The following PCDHGB6 variants were observed in gnomAD, a reference collection of about 807,000 sequenced individuals.
PCDHGB6 encodes the protein protocadherin gamma subfamily B, 6.
PCDHGB6 carries 51 observed loss-of-function variants against 59.1 expected under a neutral mutation model. The observed-to-expected ratio is 0.86, with a 90% confidence interval of 0.69 to 1.09. The LOEUF is 1.09. Ranked by LOEUF, PCDHGB6 falls within the 50% of genes least tolerant of loss-of-function variation. PCDHGB6 has a pLI of 0.00. For synonymous variants in PCDHGB6, 466 were observed against 495.1 expected (o/e 0.94, Z 0.78); for missense variants, 1,148 against 1,205.1 (o/e 0.95, Z 0.70).
At chr5:141,484,912 T>G (rs1594427765) in intron 1 of PCDHGB6, 1 of 437,066 alleles carries the variant, frequency 2.3e-6, no homozygotes, top group East Asian at 4.0e-5. Flanking sequence ...TGCGACGCAT[T>G]AACCCTGCTG....
intron 1 of PCDHGB6, chr5:141,418,214 G>A: frequency 6.2e-7 from 1 of 1,614,064 alleles, no homozygotes; most frequent in Non-Finnish European, 8.5e-7. Flanking sequence ...TATTTTTCAT[G>A]TCATTGTGGT....
chr5:141,415,264 C>T, intron 1 of PCDHGB6: 3 of 1,614,210 alleles, frequency 1.9e-6, no homozygotes, highest in South Asian at 1.1e-5. Flanking sequence ...CACTCTGTAC[C>T]TGGTGGTAGC....
chr5:141,497,237 T>C (rs933112169), intron 2 of PCDHGB6, among the ~76,000 whole-genome samples: 3 of 152,038 alleles, frequency 2.0e-5, no homozygotes, highest in Non-Finnish European at 4.4e-5. Context: ...AGAAGGCTTC[T>C]AGGAGGAGGT....
intron 2 of PCDHGB6, among the ~76,000 whole-genome samples, chr5:141,503,132 CCT>C (rs1388312522): frequency 6.6e-6 from 1 of 151,994 alleles, no homozygotes; most frequent in Non-Finnish European, 1.5e-5. Flanking sequence ...TCTGGTAGCC[CCT>C]GACACAGCCC....
chr5:141,410,847 GTC>G (rs2095431261), intron 1 of PCDHGB6: 6 of 158,244 alleles, frequency 3.8e-5, no homozygotes, highest in Admixed American at 8.9e-5. Context: ...TTTTGTCTTT[GTC>G]TTTTTTTTTT....
Position 141,485,996 on chromosome 5 carries a change from G to A in PCDHGB6, c.2419-8811G>A, listed in dbSNP as rs114142606. On this transcript the variant is annotated intron_variant, in intron 1 of 3. Coordinates refer to ENST00000520790, the MANE Select transcript of PCDHGB6 (RefSeq NM_018926.3). The surrounding 1 kb of genome is among the most constrained non-coding windows in gnomAD (Gnocchi z 5.7). ...CTCAGACCCGGACCTGGGTCCCAGT[G>A]GTAACGTCACCTTTTATTTCAGTGG... The A allele has an allele frequency of 1.6e-4, 256 of 1,614,178 alleles. 1 individual carries two copies. Among genetic ancestry groups the A allele is most frequent in the Middle Eastern group, 1.5e-3 (9 of 6,062 alleles).
intron 1 of PCDHGB6, chr5:141,415,762 T>TGTTTG: frequency 7.1e-7 from 1 of 1,399,990 alleles, no homozygotes; most frequent in Non-Finnish European, 9.3e-7. Flanking sequence ...TTTTTTTTTT[T>TGTTTG]TTTTTTTTTT....
In PCDHGB6 at chr5:141,420,274, GGTAA is replaced by G. The variant is rs1362175190; in HGVS notation, c.2418+9658_2418+9661del. 5.9e-6 allele frequency: 9 copies of G among 1,525,426 alleles called. 1 individual carries two copies. The highest frequency in any genetic ancestry group is 2.1e-5 in the Admixed American group (1 of 48,284). 94.5% of individuals were successfully genotyped at this position (1,525,426 alleles called of 1,614,324 possible). On this transcript the variant is annotated intron_variant, in intron 1 of 3. Coordinates refer to ENST00000520790, the MANE Select transcript of PCDHGB6 (RefSeq NM_018926.3). ...AAGCAGATAAGAAGATTCTTAAACAGGTAAGTATTTAAAAATGTATTTAATCCTT... is the reference window on the plus strand; with the variant it reads ...AAGCAGATAAGAAGATTCTTAAACAGGTATTTAAAAATGTATTTAATCCTT...
At chr5:141,438,896 CCT>C (rs886177991) in intron 1 of PCDHGB6, among the ~76,000 whole-genome samples, 30 of 151,820 alleles carry the variant, frequency 2.0e-4, no homozygotes, top group Non-Finnish European at 7.4e-5. Context: ...GAACTCCTGA[CCT>C]CAGGTGATCC....
intron 1 of PCDHGB6, among the ~76,000 whole-genome samples, chr5:141,445,787 T>C (rs2098477657): frequency 1.3e-5 from 2 of 152,182 alleles, no homozygotes; most frequent in South Asian, 4.1e-4. Context: ...CTAGGGAGGC[T>C]AGAAACAGAA....
intron 1 of PCDHGB6, among the ~76,000 whole-genome samples, chr5:141,481,695 T>A (rs2099542216): frequency 1.3e-5 from 2 of 152,122 alleles, no homozygotes; most frequent in Non-Finnish European, 2.9e-5. Context: ...GGCTCACGCC[T>A]GTAATCCCAG....
At chr5:141,479,953 CAGTT>C (rs1198160373) in intron 1 of PCDHGB6, among the ~76,000 whole-genome samples, 1 of 152,182 alleles carries the variant, frequency 6.6e-6, no homozygotes, top group African/African-American at 2.4e-5. Flanking sequence ...TTGGATTTGG[CAGTT>C]AGTCAAATGA....
intron 1 of PCDHGB6, chr5:141,442,062 G>A (rs1001398926): frequency 7.0e-5 from 13 of 185,900 alleles, no homozygotes; most frequent in Admixed American, 1.3e-4. Context: ...GGTGCACTGC[G>A]GTGGACAGCC....
At position 141,447,890 on chromosome 5, in the gene PCDHGB6, A is replaced by AC. The variant is rs1252174829; in HGVS notation, c.2418+37270_2418+37271insC. On this transcript the variant is annotated intron_variant, in intron 1 of 3. Transcript: ENST00000520790. ...CATCTGAGGTCAGGAGTTCGAGACCAGCCTGGCCAACATGGTGAAACTCTG... is the reference window on the plus strand; with the variant it reads ...CATCTGAGGTCAGGAGTTCGAGACCACGCCTGGCCAACATGGTGAAACTCTG... 1.3e-5 allele frequency among the ~76,000 whole-genome samples: 2 copies of AC among 152,146 alleles called. 1 individual carries two copies. The highest frequency in any genetic ancestry group is 4.8e-5 in the African/African-American group (2 of 41,434).
rs1413636372 is a variant in PCDHGB6 at position 141,409,769 on chromosome 5, G to A, written c.1567G>A (p.Glu523Lys). 19 of 1,612,658 alleles carry A rather than the reference G, an allele frequency of 1.2e-5. No individual in the cohort carries two copies. Among genetic ancestry groups the A allele is most frequent in the Non-Finnish European group, 1.5e-5 (18 of 1,179,758 alleles). Residue 523 changes from glutamate to lysine, a missense_variant, in exon 1 of 4, where the codon GAG becomes AAG. Glu to Lys is a moderately conservative substitution (Grantham distance 56). Around this residue, in one of 5 missense-constraint regions of PCDHGB6, gnomAD observed 549 missense variants for 527.5 expected, o/e 1.04. Transcript: ENST00000520790. ...VVFAQRAFDHEQLRAFALTLQ... is the reference protein window; with the variant it reads ...VVFAQRAFDHKQLRAFALTLQ... ...GTTCGCGCAGCGCGCCTTTGATCAC[G>A]AGCAGCTGCGCGCCTTCGCGCTCAC...
chr5:141,455,533 T>C (rs1232689740), intron 1 of PCDHGB6, among the ~76,000 whole-genome samples: 1 of 152,134 alleles, frequency 6.6e-6, no homozygotes, highest in African/African-American at 2.4e-5. Flanking sequence ...TGACCAGGCA[T>C]ATCATTCACG....
intron 1 of PCDHGB6, chr5:141,414,982 G>A (rs1415279007): frequency 3.7e-6 from 6 of 1,613,712 alleles, no homozygotes; most frequent in Admixed American, 1.7e-5. Flanking sequence ...CAGAGACTCC[G>A]GCCAGAACGC....
chr5:141,445,188 G>A (rs1267342449), intron 1 of PCDHGB6, among the ~76,000 whole-genome samples: 5 of 152,198 alleles, frequency 3.3e-5, no homozygotes, highest in South Asian at 2.1e-4. Flanking sequence ...ATGTTTTTAT[G>A]TATTCTATAT....
rs567522277 is a variant in PCDHGB6, at chr5:141,485,131, A to G, written c.2419-9676A>G. 1.3e-6 allele frequency: 2 copies of G among 1,482,660 alleles called. No individual in the cohort carries two copies. The highest frequency in any genetic ancestry group is 1.2e-5 in the South Asian group (1 of 83,730). 91.8% of individuals were successfully genotyped at this position (1,482,660 alleles called of 1,614,324 possible). ...TGGCTGTTTGGGGCGGGTCGGCTTC[A>G]TCCGCGTCTCAGGAGCAAGTAGAGA... On this transcript the variant is annotated intron_variant, in intron 1 of 3. Transcript: ENST00000520790. The surrounding 1 kb of genome is among the most constrained non-coding windows in gnomAD (Gnocchi z 5.7).
Sources: gnomAD v4.1 joint callset for allele counts (sites outside exome capture counted in the v4.1 genomes callset) on GRCh38, gnomAD v4.1.1 for gene constraint, gnomAD v4.1.1 regional missense constraint, Gnocchi (gnomAD v3.1) non-coding constraint, MANE v1.5 for transcripts, NCBI Gene and HGNC (gene_info 2026-07-23, HGNC 2026-07-21) for gene names.